ZCWPW2: variants seen among roughly 807,000 people sequenced by gnomAD.
The protein encoded by ZCWPW2 is zinc finger CW-type and PWWP domain containing 2.
Under a neutral mutation model 46.6 loss-of-function variants are expected in ZCWPW2, and 45 were observed. The ratio of observed to expected loss-of-function variants is 0.96; its 90% CI spans 0.76 to 1.24. ZCWPW2 has a LOEUF of 1.24. ZCWPW2 is among the 50% of genes most tolerant of loss of function. The probability of loss-of-function intolerance (pLI) is 0.00; values close to 1 mark genes in which losing one functional copy is unlikely to be tolerated. For synonymous variants in ZCWPW2, 152 were observed against 137.1 expected (o/e 1.11, Z -0.76); for missense variants, 429 against 403.9 (o/e 1.06, Z -0.53).
At chr3:28,448,570 G>T (rs1256465348) in intron 4 of ZCWPW2, among the ~76,000 whole-genome samples, 1 of 151,398 alleles carries the variant, frequency 6.6e-6, no homozygotes, top group Non-Finnish European at 1.5e-5. Flanking sequence ...GTAACACTTG[G>T]GGCCAGGAGT....
At chr3:28,521,639 A>G (rs1700727227) in intron 9 of ZCWPW2, among the ~76,000 whole-genome samples, 1 of 152,164 alleles carries the variant, frequency 6.6e-6, no homozygotes, top group Non-Finnish European at 1.5e-5. Context: ...TTCTATGTTG[A>G]ACTCAGAAAG....
intron 1 of ZCWPW2, among the ~76,000 whole-genome samples, chr3:28,364,210 G>A (rs1452223330): frequency 6.6e-6 from 1 of 152,164 alleles, no homozygotes; most frequent in Non-Finnish European, 1.5e-5. Context: ...ACTTTGGAAA[G>A]TAATTGGCAT....
At chr3:28,396,966 T>G (rs1695726170) in intron 2 of ZCWPW2, among the ~76,000 whole-genome samples, 1 of 152,064 alleles carries the variant, frequency 6.6e-6, no homozygotes, top group African/African-American at 2.4e-5. Context: ...CCGTCTCTAT[T>G]AAAAATACAA....
At chr3:28,432,036 A>G (rs1196958241) in intron 3 of ZCWPW2, among the ~76,000 whole-genome samples, 1 of 152,112 alleles carries the variant, frequency 6.6e-6, no homozygotes, top group Non-Finnish European at 1.5e-5. Flanking sequence ...TATCACAAGA[A>G]CAGCAGCATT....
intron 3 of ZCWPW2, among the ~76,000 whole-genome samples, chr3:28,434,204 C>T (rs577577006): frequency 1.3e-5 from 2 of 152,132 alleles, no homozygotes; most frequent in East Asian, 3.9e-4. Context: ...TGAATAACTT[C>T]TTAGGTGTGG....
intron 4 of ZCWPW2, among the ~76,000 whole-genome samples, chr3:28,454,603 C>A (rs1323671457): frequency 6.6e-6 from 1 of 152,182 alleles, no homozygotes; most frequent in Non-Finnish European, 1.5e-5. Context: ...AGCCCAGCAT[C>A]CCCTATCTAT....
intron 1 of ZCWPW2, among the ~76,000 whole-genome samples, chr3:28,351,795 G>T (rs780405512): frequency 6.7e-6 from 1 of 148,486 alleles, no homozygotes; most frequent in Non-Finnish European, 1.5e-5. Flanking sequence ...GCTCTTGATT[G>T]TCAGAGGAAG....
At chr3:28,445,123 G>T (rs1428087795) in intron 4 of ZCWPW2, among the ~76,000 whole-genome samples, 1 of 151,020 alleles carries the variant, frequency 6.6e-6, no homozygotes, top group Non-Finnish European at 1.5e-5. Context: ...ATTAGTCAGG[G>T]TTCTCTAGAG....
At chr3:28,422,139 G>T (rs147814933) in intron 3 of ZCWPW2, among the ~76,000 whole-genome samples, 201 of 152,080 alleles carry the variant, frequency 1.3e-3, no homozygotes, top group Admixed American at 3.7e-3. Context: ...ACCCACAGCT[G>T]CCCCACCCTC....
At chr3:28,488,634 G>A (rs1299273570) in intron 5 of ZCWPW2, among the ~76,000 whole-genome samples, 1 of 152,078 alleles carries the variant, frequency 6.6e-6, no homozygotes, top group Non-Finnish European at 1.5e-5. Context: ...TCTGTTCTGG[G>A]TCATGAGTCA....
intron 1 of ZCWPW2, among the ~76,000 whole-genome samples, chr3:28,363,665 A>G (rs1383884198): frequency 6.6e-6 from 1 of 152,004 alleles, no homozygotes; most frequent in Non-Finnish European, 1.5e-5. Context: ...CCATACCACT[A>G]TTTACCTGTG....
At position 28,525,950 on chromosome 3, in the gene ZCWPW2, A is replaced by AAATAGAAGGCCTGGAAGTTGATTTTT. The variant is rs1700835993; in HGVS notation, c.*1283_*1284insTTTTTAATAGAAGGCCTGGAAGTTGA. ...GCTTGTCTTAAGTCATATAACCAGT[A>AAATAGAAGGCCTGGAAGTTGATTTTT]AATAGAAGGCCTGGAAGTTGAGTAC... is the stretch of plus-strand genomic sequence containing the variant. On this transcript the variant is annotated 3_prime_UTR_variant, in exon 10 of 10. Transcript: ENST00000383768. Among the ~76,000 whole-genome samples, 1 of 152,154 alleles carries AAATAGAAGGCCTGGAAGTTGATTTTT rather than the reference A, an allele frequency of 6.6e-6. No individual in the cohort carries two copies. Among genetic ancestry groups the AAATAGAAGGCCTGGAAGTTGATTTTT allele is most frequent in the African/African-American group, 2.4e-5 (1 of 41,436 alleles).
Position 28,525,505 on chromosome 3 carries a change from T to C in ZCWPW2, c.*817T>C, listed in dbSNP as rs565435813. On this transcript the variant is annotated 3_prime_UTR_variant, in exon 10 of 10. Coordinates refer to ENST00000383768, the MANE Select transcript of ZCWPW2 (RefSeq NM_001040432.4). ...ACACCTATCTTTAGTTCCTGCTCTA[T>C]CTCTTTCTGGTGGTACGGGGTGGGG... Among the ~76,000 whole-genome samples, 66 of 152,210 alleles carry C rather than the reference T, an allele frequency of 4.3e-4. No homozygotes were observed. Among genetic ancestry groups the C allele is most frequent in the Non-Finnish European group, 6.9e-4 (47 of 68,012 alleles).
At chr3:28,478,312 C>A in intron 4 of ZCWPW2, 1 of 325,654 alleles carries the variant, frequency 3.1e-6, no homozygotes, top group Non-Finnish European at 6.4e-6. Flanking sequence ...GGCACAATCT[C>A]GCATCACTGC....
At chr3:28,508,629 T>TGCTTCAGCCTCCTGAGTA (rs1262370512) in intron 6 of ZCWPW2, among the ~76,000 whole-genome samples, 4 of 152,164 alleles carry the variant, frequency 2.6e-5, no homozygotes, top group Non-Finnish European at 5.9e-5. Flanking sequence ...GCAATTCTCG[T>TGCTTCAGCCTCCTGAGTA]GCTTCAGCCT....
At chr3:28,355,225 A>G (rs931235450) in intron 1 of ZCWPW2, among the ~76,000 whole-genome samples, 2 of 152,200 alleles carry the variant, frequency 1.3e-5, no homozygotes, top group African/African-American at 4.8e-5. Context: ...AAACAGTCAA[A>G]TCATGAGTGA....
chr3:28,520,779 C>A (rs533138385), intron 8 of ZCWPW2, among the ~76,000 whole-genome samples: 142 of 152,244 alleles, frequency 9.3e-4, no homozygotes, highest in Non-Finnish European at 1.5e-4. Flanking sequence ...AAGACTATCA[C>A]CTACATTTTT....
intron 6 of ZCWPW2, among the ~76,000 whole-genome samples, chr3:28,494,411 C>T: frequency 7.3e-6 from 1 of 136,848 alleles, no homozygotes. Context: ...ATAGGGAATC[C>T]TTTCCCCATT....
intron 2 of ZCWPW2, among the ~76,000 whole-genome samples, chr3:28,394,827 A>C: frequency 6.6e-6 from 1 of 152,138 alleles, no homozygotes; most frequent in East Asian, 1.9e-4. Flanking sequence ...TATAGGGGAA[A>C]TCTTTATAAC....
Sources: allele counts gnomAD v4.1 joint callset (sites outside exome capture counted in the v4.1 genomes callset), GRCh38; gene constraint gnomAD v4.1.1; transcripts MANE v1.5; gene names NCBI Gene and HGNC (gene_info 2026-07-23, HGNC 2026-07-21).